Variants in PCDHA4 observed in about 807,000 individuals in gnomAD.
The protein encoded by PCDHA4 is protocadherin alpha 4, also known as protocadherin alpha-4.
PCDHA4 carries 49 observed loss-of-function variants against 61.4 expected under a neutral mutation model. The ratio of observed to expected loss-of-function variants is 0.80; its 90% CI spans 0.63 to 1.01. PCDHA4 has a LOEUF of 1.01. PCDHA4 is among the 50% of genes least tolerant of loss of function. The pLI, the probability that PCDHA4 is intolerant of heterozygous loss-of-function variation, is 0.00. For synonymous variants in PCDHA4, 590 were observed against 550.3 expected, an observed-to-expected ratio of 1.07 and a Z score of -1.01; for missense variants, 1,254 against 1,235.8, an observed-to-expected ratio of 1.01 and a Z score of -0.22.
chr5:140,908,846 T>C (rs2074185614), intron 1 of PCDHA4, among the ~76,000 whole-genome samples: 1 of 152,176 alleles, frequency 6.6e-6, no homozygotes, highest in South Asian at 2.1e-4. Context: ...TGGAGTAACA[T>C]ACCCAAATGA....
At chr5:140,950,073 G>T (rs2094447306) in intron 1 of PCDHA4, among the ~76,000 whole-genome samples, 1 of 151,672 alleles carries the variant, frequency 6.6e-6, no homozygotes, top group Non-Finnish European at 1.5e-5. Flanking sequence ...CTGTGCCATT[G>T]CTTATGCTAT....
chr5:140,831,748 C>T (rs899662320), intron 1 of PCDHA4, among the ~76,000 whole-genome samples: 2 of 152,008 alleles, frequency 1.3e-5, no homozygotes, highest in Non-Finnish European at 1.5e-5. Context: ...TAAATTTCAT[C>T]GCTACCAATT....
intron 1 of PCDHA4, among the ~76,000 whole-genome samples, chr5:140,915,711 C>T (rs1159509465): frequency 1.3e-5 from 2 of 151,812 alleles, no homozygotes; most frequent in African/African-American, 2.4e-5. Flanking sequence ...CTCCTGTGGC[C>T]CCCACTTTGG....
intron 1 of PCDHA4, chr5:140,870,983 C>A: frequency 6.2e-7 from 1 of 1,613,520 alleles, no homozygotes; most frequent in South Asian, 1.1e-5. Context: ...GGGCTGTACA[C>A]GGGCGAGATA....
chr5:140,928,128 A>C (rs782708968), intron 1 of PCDHA4: 1 of 1,614,194 alleles, frequency 6.2e-7, no homozygotes, highest in Admixed American at 1.7e-5. Context: ...GTGAATACCA[A>C]GTCCTGATCA....
At chr5:140,875,253 A>C in intron 1 of PCDHA4, 1 of 1,053,108 alleles carries the variant, frequency 9.5e-7, no homozygotes, top group Non-Finnish European at 1.3e-6. Flanking sequence ...AATCAGTCAC[A>C]TGATGTCGCT....
chr5:140,994,732 G>T (rs1159331502), intron 3 of PCDHA4, among the ~76,000 whole-genome samples: 3 of 152,114 alleles, frequency 2.0e-5, no homozygotes, highest in Non-Finnish European at 4.4e-5. Flanking sequence ...ACTGGGTATT[G>T]CAGGATGGCA....
intron 1 of PCDHA4, chr5:140,884,640 A>G: frequency 6.2e-7 from 1 of 1,610,250 alleles, no homozygotes; most frequent in East Asian, 2.2e-5. Context: ...CAGAGGGAGG[A>G]GGACTCAGAA....
chr5:140,935,044 G>C (rs1246943645), intron 1 of PCDHA4, among the ~76,000 whole-genome samples: 1 of 151,942 alleles, frequency 6.6e-6, no homozygotes, highest in African/African-American at 2.4e-5. Context: ...CTTGATTTCT[G>C]GTATTACAAG....
chr5:140,870,806 A>C (rs546684407), intron 1 of PCDHA4: 10 of 1,613,686 alleles, frequency 6.2e-6, no homozygotes, highest in Admixed American at 5.0e-5. Flanking sequence ...CTGGCGACTC[A>C]GGCTGGCAGC....
intron 1 of PCDHA4, among the ~76,000 whole-genome samples, chr5:140,915,582 G>A (rs991142864): frequency 2.6e-5 from 4 of 152,056 alleles, no homozygotes; most frequent in South Asian, 4.1e-4. Flanking sequence ...CCAGGCAAAA[G>A]CACTTGTTCT....
intron 1 of PCDHA4, among the ~76,000 whole-genome samples, chr5:140,911,719 G>C (rs1184939092): frequency 6.6e-6 from 1 of 151,412 alleles, no homozygotes; most frequent in African/African-American, 2.5e-5. Context: ...GTGTAACTCT[G>C]TAAACAGTTC....
chr5:140,832,529 C>T (rs1417040137), intron 1 of PCDHA4, among the ~76,000 whole-genome samples: 1 of 152,170 alleles, frequency 6.6e-6, no homozygotes, highest in Non-Finnish European at 1.5e-5. Context: ...TGAAGATCAC[C>T]ATTTGTGTAG....
At chr5:140,872,266 T>C (rs1267974541) in intron 1 of PCDHA4, among the ~76,000 whole-genome samples, 2 of 152,208 alleles carry the variant, frequency 1.3e-5, no homozygotes, top group Non-Finnish European at 2.9e-5. Context: ...GTTTTCATAT[T>C]GTTTGAAGAA....
At chr5:140,867,679 G>A (rs1264964965) in intron 1 of PCDHA4, 1 of 151,996 alleles carries the variant, frequency 6.6e-6, no homozygotes, top group Non-Finnish European at 1.5e-5. Flanking sequence ...AAATTTTGTT[G>A]CATCTTCTTT....
chr5:140,872,792 G>T (rs1474880199), intron 1 of PCDHA4, among the ~76,000 whole-genome samples: 1 of 152,054 alleles, frequency 6.6e-6, no homozygotes, highest in African/African-American at 2.4e-5. Context: ...ATGCTAGTTG[G>T]CATTCTTCCA....
intron 1 of PCDHA4, chr5:140,834,284 A>T: frequency 8.6e-7 from 1 of 1,167,116 alleles, no homozygotes; most frequent in Non-Finnish European, 1.2e-6. Flanking sequence ...TTGGATGCAC[A>T]ACAATGGCCA....
intron 3 of PCDHA4, among the ~76,000 whole-genome samples, chr5:140,997,130 C>T (rs1480730795): frequency 6.6e-6 from 1 of 151,984 alleles, no homozygotes; most frequent in Non-Finnish European, 1.5e-5. Flanking sequence ...TACACAATGC[C>T]CCCACACCCC....
intron 1 of PCDHA4, among the ~76,000 whole-genome samples, chr5:140,821,100 G>T (rs2150108683): frequency 2.6e-5 from 4 of 151,920 alleles, no homozygotes; most frequent in African/African-American, 9.7e-5. Flanking sequence ...TCAACAAAAT[G>T]TCACTATTAA....
Sources: gnomAD v4.1 joint callset for allele counts (sites outside exome capture counted in the v4.1 genomes callset) on GRCh38, gnomAD v4.1.1 for gene constraint, MANE v1.5 for transcripts, NCBI Gene and HGNC (gene_info 2026-07-23, HGNC 2026-07-21) for gene names.